The following NLRP1 variants were observed in gnomAD, a reference collection of about 807,000 sequenced individuals.
NLRP1 encodes the protein NLR family pyrin domain containing 1, also known as NACHT, LRR and PYD domains-containing protein 1.
In NLRP1, 94 loss-of-function variants were observed where a neutral mutation model predicts 136.7. The ratio of observed to expected loss-of-function variants is 0.69; its 90% CI spans 0.58 to 0.82. The LOEUF (loss-of-function observed/expected upper bound fraction) is 0.82, where lower values mean the gene tolerates loss of function less well. Among genes scored for constraint, NLRP1 ranks in the 40% least tolerant of loss-of-function variants. NLRP1 has a pLI of 0.00. For synonymous variants in NLRP1, 690 were observed against 725.1 expected (o/e 0.95, Z 0.78); for missense variants, 1,575 against 1,802.7 (o/e 0.87, Z 2.29).
chr17:5,552,694 T>G (rs1312952790), intron 5 of NLRP1, among the ~76,000 whole-genome samples: 1 of 152,240 alleles, frequency 6.6e-6, no homozygotes, highest in Non-Finnish European at 1.5e-5. Context: ...CTCTTACATC[T>G]AGCCACTTTG....
intron 16 of NLRP1, 50 bp downstream of exon 16, chr17:5,515,423 T>C: frequency 6.9e-7 from 1 of 1,450,676 alleles, no homozygotes; most frequent in Non-Finnish European, 9.7e-7. Context: ...AACCAGACAG[T>C]ACCCCAGAAC....
At chr17:5,528,649 G>T (rs1378707812) in intron 12 of NLRP1, among the ~76,000 whole-genome samples, 2 of 151,926 alleles carry the variant, frequency 1.3e-5, no homozygotes, top group African/African-American at 4.8e-5. Context: ...CTTTCTACTA[G>T]CTTCTAAATA....
At chr17:5,565,593 T>C (rs533266028) in intron 3 of NLRP1, among the ~76,000 whole-genome samples, 1 of 152,358 alleles carries the variant, frequency 6.6e-6, no homozygotes, top group African/African-American at 2.4e-5. Context: ...CAATGTTTTC[T>C]TGTAGTAGCT....
At chr17:5,532,750 G>T in intron 11 of NLRP1, 72 bp downstream of exon 11, 1 of 1,401,762 alleles carries the variant, frequency 7.1e-7, no homozygotes, top group Non-Finnish European at 9.6e-7. Flanking sequence ...GGCGCTGACT[G>T]TCTGTGGGGA....
Position 5,559,815 on chromosome 17 carries a change from G to A in NLRP1, c.881C>T (p.Pro294Leu), listed in dbSNP as rs773866014. 1.9e-6 allele frequency: 3 copies of A among 1,614,232 alleles called. No individual in the cohort carries two copies. The highest frequency in any genetic ancestry group is 4.5e-5 in the East Asian group (2 of 44,888). The change falls in exon 4 of 17, where the codon CCC becomes CTC. Residue 294 changes from proline (P) to leucine (L), a missense_variant. By Grantham distance (98) the Pro-to-Leu change is moderately conservative. Coordinates refer to ENST00000572272, the MANE Select transcript of NLRP1 (RefSeq NM_033004.4). The stretch of plus-strand genomic sequence containing the variant: ...ATCAGGCCAGCTTCTCTTGACCAGG[G>A]GATCTTGGCTTCTGGGGTGAGGTCT... ...LQRPHPRSQD[P>L]LVKRSWPDYV...
At chr17:5,520,398 C>T (rs1035592354) in intron 14 of NLRP1, among the ~76,000 whole-genome samples, 11 of 152,250 alleles carry the variant, frequency 7.2e-5, no homozygotes, top group Admixed American at 6.5e-4. Context: ...CACAAATCTC[C>T]GTGTGGCCTG....
chr17:5,556,820 C>T (rs147988165), intron 4 of NLRP1, among the ~76,000 whole-genome samples: 2,027 of 152,014 alleles, frequency 0.013, 44 homozygotes, highest in African/African-American at 0.046. Context: ...GATGGGGTTT[C>T]ACCATGTTGA....
chr17:5,534,160 G>A (rs995125087), intron 8 of NLRP1, among the ~76,000 whole-genome samples, 172 bp from the exon 9 acceptor site: 6 of 152,022 alleles, frequency 3.9e-5, no homozygotes, highest in African/African-American at 1.2e-4. Context: ...TCAGGAGTTC[G>A]AGACCAGCTT....
intron 3 of NLRP1, among the ~76,000 whole-genome samples, chr17:5,573,678 C>T (rs1904680461): frequency 6.6e-6 from 1 of 152,240 alleles, no homozygotes; most frequent in South Asian, 2.1e-4. Context: ...TGTTCTTCAG[C>T]CTCTGCTGCT....
downstream of NLRP1, among the ~76,000 whole-genome samples, chr17:5,509,661 C>G (rs1280411843): frequency 6.6e-6 from 1 of 152,030 alleles, no homozygotes; most frequent in Admixed American, 6.5e-5. Flanking sequence ...GCCAGCACGC[C>G]CAGCTCATTT....
chr17:5,548,856 C>T (rs2151787894), intron 5 of NLRP1, among the ~76,000 whole-genome samples: 1 of 152,300 alleles, frequency 6.6e-6, no homozygotes, highest in East Asian at 1.9e-4. Flanking sequence ...GTGGCCCCTC[C>T]TTCTCAGGCT....
intron 3 of NLRP1, among the ~76,000 whole-genome samples, chr17:5,574,159 T>G (rs961313781): frequency 2.0e-5 from 3 of 152,126 alleles, no homozygotes; most frequent in Admixed American, 1.3e-4. Flanking sequence ...ACGTGAAGAA[T>G]GCACAAGCTT....
Position 5,517,976 on chromosome 17 carries a change from C to T in NLRP1, c.3916-89G>A, listed in dbSNP as rs965832435. The T allele has an allele frequency of 1.0e-5, 13 of 1,264,636 alleles. No individual in the cohort carries two copies. The African/African-American group carries it at 1.6e-4, about 16-fold the overall frequency. The allele number at this position is 1,264,636 out of a possible 1,614,324, so 78.3% of individuals were successfully genotyped here. On this transcript the variant is annotated intron_variant, in intron 14 of 16. Transcript: ENST00000572272. ...GACACCTTCTTGGCCCTGCTTGGCT[C>T]CATAAGGACACTCTGATGATCCCTG...
At chr17:5,502,950 G>A (rs116705490) in intron 15 of NLRP1, 1 of 152,326 alleles carries the variant, frequency 6.6e-6, no homozygotes, top group Non-Finnish European at 1.5e-5. Context: ...AGAATATGAA[G>A]GTTGTAATGG....
chr17:5,559,382 T>C lies in NLRP1; in HGVS notation c.1314A>G (p.Ala438=). ...TTTTCCCCAGCAAACTGCCCAGCAG[T>C]GCATCCGCCGGCTGTGGCTGGCTCC... ...LHWSQPQPAD[A]LLGSLLGKTI... The change falls in exon 4 of 17, where the codon GCA becomes GCG. Residue 438 remains alanine, a synonymous_variant. Transcript: ENST00000572272. 1 of 1,614,076 alleles carries C rather than the reference T, an allele frequency of 6.2e-7. No homozygotes were observed. The highest frequency in any genetic ancestry group is 2.2e-5 in the East Asian group (1 of 44,880).
chr17:5,576,160 A>G (rs1251744380), intron 3 of NLRP1, among the ~76,000 whole-genome samples: 1 of 152,262 alleles, frequency 6.6e-6, no homozygotes, highest in Non-Finnish European at 1.5e-5. Context: ...CTAAATGCCC[A>G]CAAGAGAAAG....
intron 15 of NLRP1, among the ~76,000 whole-genome samples, chr17:5,506,738 A>AC (rs1907355208): frequency 1.9e-5 from 1 of 52,416 alleles, no homozygotes; most frequent in Admixed American, 1.3e-4. Flanking sequence ...CTAAAAATAC[A>AC]AAAAAAAAAA....
Position 5,558,874 on chromosome 17 carries a change from C to A in NLRP1, c.1822G>T (p.Gly608Cys), listed in dbSNP as rs1052118337. ...GGGATGGGGTGCTCTTGAAGAATAC[C>A]CATCTTCAAGAAGGTGGAGATGATG... is the stretch of plus-strand genomic sequence containing the variant. The part of the protein sequence containing the change: ...GAIISTFLKM[G>C]ILQEHPIPLS... The change falls in exon 4 of 17, where the codon GGT becomes TGT. Residue 608 changes from glycine to cysteine, a missense_variant. Coordinates refer to ENST00000572272, the MANE Select transcript of NLRP1 (RefSeq NM_033004.4). 5 of 1,613,692 alleles carry A rather than the reference C, an allele frequency of 3.1e-6. No individual in the cohort carries two copies. The African/African-American group carries it at 4.0e-5, about 13-fold the overall frequency.
chr17:5,529,162 T>A (rs1166691728), intron 12 of NLRP1, among the ~76,000 whole-genome samples: 1 of 152,180 alleles, frequency 6.6e-6, no homozygotes, highest in Non-Finnish European at 1.5e-5. Flanking sequence ...TGATTTTTTC[T>A]CTCCCTTCTC....
Sources: allele counts gnomAD v4.1 joint callset (sites outside exome capture counted in the v4.1 genomes callset), GRCh38; gene constraint gnomAD v4.1.1; transcripts MANE v1.5; gene names NCBI Gene and HGNC (gene_info 2026-07-23, HGNC 2026-07-21).